The following WRAP73 variants were observed in gnomAD, a reference collection of about 807,000 sequenced individuals.
WRAP73 encodes the protein WD repeat containing, antisense to TP73, also known as WD repeat-containing protein WRAP73.
WRAP73 carries 55 observed loss-of-function variants against 59.6 expected under a neutral mutation model. That is an observed-to-expected ratio of 0.92 (90% CI 0.74 to 1.15). WRAP73 has a LOEUF of 1.15. Ranked by LOEUF, WRAP73 falls within the 50% of genes most tolerant of loss-of-function variation. The pLI is 0.00. For synonymous variants in WRAP73, 265 were observed against 258.2 expected (o/e 1.03, Z -0.25); for missense variants, 592 against 608.1 (o/e 0.97, Z 0.28).
chr1:3,641,342 C>T (rs528814273), intron 3 of WRAP73, among the ~76,000 whole-genome samples: 27 of 152,262 alleles, frequency 1.8e-4, no homozygotes, highest in South Asian at 6.2e-4. Context: ...ACCCAGTACA[C>T]TCAAGACGGG....
intron 3 of WRAP73, among the ~76,000 whole-genome samples, chr1:3,645,340 G>A (rs577720814): frequency 6.6e-6 from 1 of 151,188 alleles, no homozygotes; most frequent in Non-Finnish European, 1.5e-5. Context: ...AGTGTGGTGT[G>A]AGCGGCGCAG....
chr1:3,633,541 G>A (rs1280133589), intron 8 of WRAP73, 38 bp from the exon 9 acceptor site: 4 of 1,509,478 alleles, frequency 2.6e-6, no homozygotes, highest in Non-Finnish European at 3.6e-6. Flanking sequence ...GCTCAGGACA[G>A]GGACCCGGAA....
chr1:3,631,754 G>A, intron 10 of WRAP73, 97 bp from the exon 11 acceptor site: 1 of 1,491,680 alleles, frequency 6.7e-7, no homozygotes, highest in South Asian at 1.3e-5. Context: ...CAGGAGGGGA[G>A]GGGAAGAACC....
In WRAP73 at chr1:3,638,457, G is replaced by A. The variant is rs559142955; in HGVS notation, c.412+293C>T. Among the ~76,000 whole-genome samples, 25 of 152,338 alleles carry A rather than the reference G, an allele frequency of 1.6e-4. No individual in the cohort carries two copies. The East Asian group carries it at 4.0e-3, about 25-fold the overall frequency. On this transcript the variant is annotated intron_variant, in intron 4 of 11. Transcript: ENST00000270708. Reference sequence around the variant, plus strand: ...AGGGGTCTGAACGCCCAGCTCTGCCGCCAAGGTCAAGGGGACCGGCATCAA... The same window carrying A: ...AGGGGTCTGAACGCCCAGCTCTGCCACCAAGGTCAAGGGGACCGGCATCAA...
rs575997137 is a variant in WRAP73, at chr1:3,639,671, G to A, written c.340-849C>T. The A allele has an allele frequency of 1.3e-5, 2 of 152,066 alleles. No homozygotes were observed. Among genetic ancestry groups the A allele is most frequent in the Non-Finnish European group, 1.5e-5 (1 of 68,074 alleles). 9.4% of individuals were successfully genotyped at this position (152,066 alleles called of 1,614,324 possible). A position where few individuals can be genotyped will look rare whatever the true frequency, so the allele number is the denominator to read the frequency against. ...TCTGGTAGTTAACTGAAATATGGCCGAGGTGCGGGGACACAAGGTGCGGGG... is the reference window on the plus strand; with the variant it reads ...TCTGGTAGTTAACTGAAATATGGCCAAGGTGCGGGGACACAAGGTGCGGGG... On this transcript the variant is annotated intron_variant, in intron 3 of 11. Coordinates refer to ENST00000270708, the MANE Select transcript of WRAP73 (RefSeq NM_017818.4). This position sits in a 1 kb window ranked among gnomAD's most constrained non-coding sequence, Gnocchi z 4.3.
Position 3,646,811 on chromosome 1 carries a change from A to G in WRAP73, c.223-29T>C. 1 of 1,588,754 alleles carries G rather than the reference A, an allele frequency of 6.3e-7. No homozygotes were observed. Among genetic ancestry groups the G allele is most frequent in the Non-Finnish European group, 8.6e-7 (1 of 1,160,872 alleles). ...GATTGAGAGAAGAAAGAAACACACA[A>G]GTGCAAACTCATCAGCACCGAGAGA... On this transcript the variant is annotated intron_variant, in intron 2 of 11. Coordinates refer to ENST00000270708, the MANE Select transcript of WRAP73 (RefSeq NM_017818.4). The surrounding 1 kb of genome is among the most constrained non-coding windows in gnomAD (Gnocchi z 5.1).
chr1:3,638,182 T>C (rs1317974886), intron 4 of WRAP73, among the ~76,000 whole-genome samples: 1 of 152,080 alleles, frequency 6.6e-6, no homozygotes, highest in Non-Finnish European at 1.5e-5. Context: ...GACTCAGGAG[T>C]GGCACCTCCC....
chr1:3,637,544 G>A (rs1323800549), intron 4 of WRAP73, among the ~76,000 whole-genome samples: 1 of 152,206 alleles, frequency 6.6e-6, no homozygotes, highest in Admixed American at 6.5e-5. Flanking sequence ...GAAGTAAACT[G>A]AAGATGAAAA....
intron 3 of WRAP73, among the ~76,000 whole-genome samples, chr1:3,642,110 G>A (rs1019648500): frequency 3.3e-5 from 5 of 152,188 alleles, no homozygotes; most frequent in African/African-American, 9.7e-5. Context: ...TGGCAGAGCC[G>A]GGCGCACTGT....
Position 3,631,500 on chromosome 1 carries a change from T to A in WRAP73, c.1206A>T (p.Pro402=). ...GCACCTGCACCGACATGCAGCCCGC[T>A]GGGGACCACAGGTAGAGCCTGCTGC... is the stretch of plus-strand genomic sequence containing the variant. ...TGGSRLYLWS[P]AGCMSVQVPG... The change falls in exon 11 of 12, where the codon CCA becomes CCT. Residue 402 remains proline (P), a synonymous_variant. Transcript: ENST00000270708. The A allele has an allele frequency of 1.2e-6, 2 of 1,608,688 alleles. No individual in the cohort carries two copies. The highest frequency in any genetic ancestry group is 1.7e-6 in the Non-Finnish European group (2 of 1,178,030).
At chr1:3,638,372 GAA>G (rs35863450) in intron 4 of WRAP73, among the ~76,000 whole-genome samples, 3,246 of 152,262 alleles carry the variant, frequency 0.021, 119 homozygotes, top group African/African-American at 0.072. Flanking sequence ...TTAGTCCACA[GAA>G]GAGAGAAAGC....
Position 3,636,361 on chromosome 1 carries a change from C to T in WRAP73, c.517-331G>A, listed in dbSNP as rs528636920. On this transcript the variant is annotated intron_variant, in intron 5 of 11. Coordinates refer to ENST00000270708, the MANE Select transcript of WRAP73 (RefSeq NM_017818.4). Reference sequence around the variant, plus strand: ...CTCCCCGCGCCTGCACTCGTGTGCACACTCTCCCCCTCACCTTTCCTTGCC... The same window carrying T: ...CTCCCCGCGCCTGCACTCGTGTGCATACTCTCCCCCTCACCTTTCCTTGCC... The T allele has an allele frequency of 1.6e-3, 584 of 356,730 alleles. 8 individuals carry two copies. Among genetic ancestry groups the T allele is most frequent in the Non-Finnish European group, 8.3e-4 (156 of 188,898 alleles). The allele number at this position is 356,730 out of a possible 1,614,324, so 22.1% of individuals were successfully genotyped here. A position where few individuals can be genotyped will look rare whatever the true frequency, so the allele number is the denominator to read the frequency against.
intron 3 of WRAP73, among the ~76,000 whole-genome samples, chr1:3,640,085 G>A (rs576654048): frequency 3.7e-4 from 57 of 152,324 alleles, no homozygotes; most frequent in African/African-American, 1.1e-3. Context: ...CATATACAGC[G>A]TTCAGGAGAG....
intron 3 of WRAP73, among the ~76,000 whole-genome samples, chr1:3,644,466 GA>G (rs1227698000): frequency 2.0e-5 from 3 of 152,282 alleles, no homozygotes; most frequent in Non-Finnish European, 4.4e-5. Flanking sequence ...TTGCTCTTGT[GA>G]ATGAGACTGA....
chr1:3,641,659 T>C (rs1181944851), intron 3 of WRAP73, among the ~76,000 whole-genome samples: 1 of 152,196 alleles, frequency 6.6e-6, no homozygotes, highest in African/African-American at 2.4e-5. Flanking sequence ...TGGTCCTGAT[T>C]GTGGCGGCAA....
chr1:3,647,145 C>T (rs1644699770), intron 2 of WRAP73: 2 of 461,942 alleles, frequency 4.3e-6, no homozygotes, highest in African/African-American at 2.0e-5. Flanking sequence ...CTTCTTAGGA[C>T]TTCCTGAAAC....
intron 1 of WRAP73, 144 bp downstream of exon 1, chr1:3,649,787 C>A (rs990960840): frequency 9.8e-6 from 8 of 814,662 alleles, no homozygotes; most frequent in Non-Finnish European, 1.1e-5. Context: ...GCCCCGGGTA[C>A]CTGCCCGGGC....
In WRAP73 at chr1:3,635,173, C is replaced by T. The variant is rs116230480; in HGVS notation, c.725G>A (p.Ser242Asn). The change falls in exon 7 of 12, where the codon AGC becomes AAC. Residue 242 changes from serine to asparagine, a missense_variant. Physicochemically the swap from Ser to Asn is conservative, Grantham distance 46. Transcript: ENST00000270708. ...ACTGGTTCCCACCTTTCCATCATAG[C>T]TCCCAACTGCCAGGAACTGACTGCT... is the stretch of plus-strand genomic sequence containing the variant. Reference protein sequence around the residue: ...SPSSQFLAVGSYDGKVRILNH... With the variant: ...SPSSQFLAVGNYDGKVRILNH... 617 of 1,614,138 alleles carry T rather than the reference C, an allele frequency of 3.8e-4. No individual in the cohort carries two copies. Among genetic ancestry groups the T allele is most frequent in the Middle Eastern group, 4.9e-4 (3 of 6,062 alleles).
chr1:3,633,735 G>T, intron 8 of WRAP73: 1 of 503,396 alleles, frequency 2.0e-6, no homozygotes. Flanking sequence ...GACACAGGCA[G>T]CAAATGTGTG....
Sources: allele counts gnomAD v4.1 joint callset (sites outside exome capture counted in the v4.1 genomes callset), GRCh38; gene constraint gnomAD v4.1.1; non-coding constraint Gnocchi (gnomAD v3.1); transcripts MANE v1.5; gene names NCBI Gene and HGNC (gene_info 2026-07-23, HGNC 2026-07-21).